Variants in TMEM131 observed in about 807,000 individuals in gnomAD.
TMEM131 encodes 2610524E03Rik.
A neutral mutation model predicts 211.6 loss-of-function variants in TMEM131; 66 were observed. That is an observed-to-expected ratio of 0.31 (90% CI 0.26 to 0.38). TMEM131 has a LOEUF of 0.38. TMEM131 is among the 10% of genes least tolerant of loss of function. The probability of loss-of-function intolerance (pLI) is 1.00; values close to 1 mark genes in which losing one functional copy is unlikely to be tolerated. For missense variants in TMEM131, 2,036 were observed against 2,299.3 expected (o/e 0.89, Z 2.34); for synonymous variants, 844 against 841.3 (o/e 1.00, Z -0.06).
chr2:97,818,896 T>C (rs754787978), intron 11 of TMEM131, among the ~76,000 whole-genome samples, 175 bp from the exon 12 acceptor site: 2 of 152,238 alleles, frequency 1.3e-5, no homozygotes, highest in Non-Finnish European at 2.9e-5. Flanking sequence ...CAAATTAATT[T>C]CATCAGAATA....
chr2:97,861,291 C>T (rs780264848), intron 4 of TMEM131, among the ~76,000 whole-genome samples: 2 of 151,900 alleles, frequency 1.3e-5, no homozygotes, highest in Non-Finnish European at 2.9e-5. Flanking sequence ...GAGACATGAG[C>T]TGGGGTGCCC....
rs569476613 is a variant in TMEM131 at position 97,812,327 on chromosome 2, A to C, written c.1863+94T>G. ...AACCAACACTATTATGAACTGCATA[A>C]AAATAATAGTGATACATGTAGCATA... On this transcript the variant is annotated intron_variant, in intron 17 of 40. Transcript: ENST00000186436. 1.0e-5 allele frequency: 14 copies of C among 1,380,206 alleles called. No individual in the cohort carries two copies. The South Asian group carries it at 1.5e-4, about 14-fold the overall frequency. The allele number at this position is 1,380,206 out of a possible 1,614,324, so 85.5% of individuals were successfully genotyped here.
At chr2:97,953,276 C>CA (rs1678407282) in intron 1 of TMEM131, among the ~76,000 whole-genome samples, 1 of 152,172 alleles carries the variant, frequency 6.6e-6, no homozygotes, top group Non-Finnish European at 1.5e-5. Context: ...GAAAGTCAGA[C>CA]AAAACCCAAC....
rs1173549368 is a variant in TMEM131, at chr2:97,805,676, T to C, written c.2083A>G (p.Ile695Val). Reference protein sequence around the residue: ...PGKIVHQSLNIMNSFSQKVKI... With the variant: ...PGKIVHQSLNVMNSFSQKVKI... ...ACCTTCTGTGAGAAGGAATTCATAATATTTAAACTTTGATGAACTATTTTC... is the reference window on the plus strand; with the variant it reads ...ACCTTCTGTGAGAAGGAATTCATAACATTTAAACTTTGATGAACTATTTTC... The change falls in exon 20 of 41, where the codon ATT (isoleucine) becomes GTT (valine). Residue 695 changes from isoleucine (I) to valine (V), a missense_variant. By Grantham distance (29) the Ile-to-Val change is conservative. This residue lies in a region of TMEM131 where 1,623 missense variants were observed against 1,805.9 expected (regional missense o/e 0.90). Transcript: ENST00000186436. 6.2e-7 allele frequency: 1 copy of C among 1,601,030 alleles called. No homozygotes were observed. Among genetic ancestry groups the C allele is most frequent in the Non-Finnish European group, 8.5e-7 (1 of 1,172,102 alleles).
At chr2:97,986,028 A>C (rs1379215186) in intron 1 of TMEM131, among the ~76,000 whole-genome samples, 2 of 152,190 alleles carry the variant, frequency 1.3e-5, no homozygotes, top group Non-Finnish European at 2.9e-5. Context: ...AACTCAGAAA[A>C]ATATTAAATC....
intron 12 of TMEM131, among the ~76,000 whole-genome samples, chr2:97,817,248 C>G (rs1398181151): frequency 2.0e-5 from 3 of 152,024 alleles, no homozygotes; most frequent in Admixed American, 2.0e-4. Context: ...CCCTTGCAGA[C>G]CATGTGGAGA....
At chr2:97,850,156 C>T (rs534551603) in intron 5 of TMEM131, among the ~76,000 whole-genome samples, 1 of 151,604 alleles carries the variant, frequency 6.6e-6, no homozygotes, top group East Asian at 1.9e-4. Flanking sequence ...ATCTAAGATG[C>T]CAGTGCTTGT....
chr2:97,893,377 A>C (rs1057442443), intron 3 of TMEM131, among the ~76,000 whole-genome samples: 45 of 152,132 alleles, frequency 3.0e-4, no homozygotes, highest in African/African-American at 1.0e-3. Flanking sequence ...TTTATAGCAG[A>C]ATGATTTATA....
chr2:97,954,887 A>G (rs1050793603), intron 1 of TMEM131, among the ~76,000 whole-genome samples: 2 of 151,802 alleles, frequency 1.3e-5, no homozygotes, highest in African/African-American at 4.8e-5. Context: ...GCTTTACTGG[A>G]AAATTTTACC....
At chr2:97,910,284 T>C (rs1321717557) in intron 2 of TMEM131, among the ~76,000 whole-genome samples, 1 of 152,184 alleles carries the variant, frequency 6.6e-6, no homozygotes, top group Non-Finnish European at 1.5e-5. Flanking sequence ...TTAGTGTGAA[T>C]ATTAAAATGG....
At chr2:97,763,272 G>C (rs1208671722) in intron 35 of TMEM131, 1 of 152,482 alleles carries the variant, frequency 6.6e-6, no homozygotes, top group Non-Finnish European at 1.5e-5. Flanking sequence ...GTCTTGGCTA[G>C]GTCAAGCCTC....
chr2:97,849,993 A>G (rs1014687018), intron 5 of TMEM131, among the ~76,000 whole-genome samples: 1 of 152,106 alleles, frequency 6.6e-6, no homozygotes, highest in African/African-American at 2.4e-5. Context: ...ATTTAATTCT[A>G]CAGAATCATA....
chr2:97,828,412 G>A (rs1414935512), intron 11 of TMEM131, among the ~76,000 whole-genome samples: 1 of 151,970 alleles, frequency 6.6e-6, no homozygotes, highest in African/African-American at 2.4e-5. Context: ...CATAGGGTCT[G>A]TGCCCCTCAA....
chr2:97,987,633 A>C (rs1489843068), intron 1 of TMEM131, among the ~76,000 whole-genome samples: 1 of 152,242 alleles, frequency 6.6e-6, no homozygotes, highest in Non-Finnish European at 1.5e-5. Context: ...CTTGTTTCAA[A>C]TATGGAGTGT....
In TMEM131 at chr2:97,957,126, A is replaced by G. The variant is rs13397835; in HGVS notation, c.188-29639T>C. Reference sequence around the variant, plus strand: ...AAAAAAAAAAAAGTTATCCTACAGCAATAATTTTTAAAATGAAGTTAAATG... The same window carrying G: ...AAAAAAAAAAAAGTTATCCTACAGCGATAATTTTTAAAATGAAGTTAAATG... On this transcript the variant is annotated intron_variant, in intron 1 of 40. Transcript: ENST00000186436. Among the ~76,000 whole-genome samples, 318 of 152,206 alleles carry G rather than the reference A, an allele frequency of 2.1e-3. 4 individuals carry two copies. The highest frequency in any genetic ancestry group is 7.2e-3 in the African/African-American group (297 of 41,522).
intron 29 of TMEM131, among the ~76,000 whole-genome samples, 198 bp from the exon 30 acceptor site, chr2:97,793,751 T>A (rs921102045): frequency 2.0e-5 from 3 of 151,808 alleles, no homozygotes; most frequent in Admixed American, 6.6e-5. Context: ...TCCCAGCACT[T>A]TGGGAGGCCG....
intron 1 of TMEM131, among the ~76,000 whole-genome samples, chr2:97,984,460 C>T (rs1010078984): frequency 6.6e-6 from 1 of 151,998 alleles, no homozygotes; most frequent in Non-Finnish European, 1.5e-5. Context: ...GTTTACTTGA[C>T]TCATGGTTCT....
intron 4 of TMEM131, among the ~76,000 whole-genome samples, chr2:97,871,875 AG>A (rs776402080): frequency 3.3e-5 from 5 of 151,712 alleles, no homozygotes; most frequent in Non-Finnish European, 7.4e-5. Context: ...AGAATCCATC[AG>A]GTAATTATAG....
chr2:97,760,755 C>T (rs777975502), intron 37 of TMEM131, 38 bp downstream of exon 37: 20 of 1,613,602 alleles, frequency 1.2e-5, no homozygotes, highest in African/African-American at 1.2e-4. Flanking sequence ...CCAGGCCTGG[C>T]GCCTGGCGTG....
Sources: allele counts gnomAD v4.1 joint callset (sites outside exome capture counted in the v4.1 genomes callset), GRCh38; gene constraint gnomAD v4.1.1; regional missense constraint gnomAD v4.1.1; transcripts MANE v1.5; gene names NCBI Gene and HGNC (gene_info 2026-07-23, HGNC 2026-07-21).